RASSF2: variants seen among roughly 807,000 people sequenced by gnomAD.
The protein encoded by RASSF2 is Ras association domain family member 2.
A neutral mutation model predicts 46.3 loss-of-function variants in RASSF2; 34 were observed. The observed-to-expected ratio is 0.73, with a 90% CI of 0.56 to 0.98. RASSF2 has a LOEUF of 0.98. RASSF2 is among the 50% of genes least tolerant of loss of function. The pLI is 0.00. For missense variants in RASSF2, 364 were observed against 431.2 expected, an observed-to-expected ratio of 0.84 and a Z score of 1.38; for synonymous variants, 158 against 162.5, an observed-to-expected ratio of 0.97 and a Z score of 0.21.
intron 2 of RASSF2, among the ~76,000 whole-genome samples, chr20:4,803,721 C>T (rs1016885433): frequency 2.0e-5 from 3 of 151,774 alleles, no homozygotes; most frequent in African/African-American, 4.8e-5. Flanking sequence ...CATACCACTG[C>T]ACTCTAGCCT....
Position 4,787,014 on chromosome 20 carries a change from T to C in RASSF2, c.813+619A>G, listed in dbSNP as rs868640621. Among the ~76,000 whole-genome samples, 5 of 148,796 alleles carry C rather than the reference T, an allele frequency of 3.4e-5. No individual in the cohort carries two copies. The South Asian group carries it at 8.5e-4, about 25-fold the overall frequency. On this transcript the variant is annotated intron_variant, in intron 10 of 11. Coordinates refer to ENST00000379400, the MANE Select transcript of RASSF2 (RefSeq NM_014737.3). The stretch of plus-strand genomic sequence containing the variant: ...AGGAAAATAGCTTGAACCAGGGAGG[T>C]GCCACTGCACTCCAGCCTGGGCAAC...
At chr20:4,817,134 C>T (rs933432377) in intron 2 of RASSF2, among the ~76,000 whole-genome samples, 1 of 152,102 alleles carries the variant, frequency 6.6e-6, no homozygotes, top group Admixed American at 6.6e-5. Context: ...TATTCTTCCA[C>T]GTTAATAGCT....
intron 8 of RASSF2, among the ~76,000 whole-genome samples, chr20:4,788,908 A>T (rs1925604769): frequency 6.6e-6 from 1 of 152,216 alleles, no homozygotes; most frequent in South Asian, 2.1e-4. Context: ...AAGTCCCATT[A>T]TCCTCATTTT....
intron 10 of RASSF2, among the ~76,000 whole-genome samples, chr20:4,786,660 C>T (rs1925372754): frequency 6.6e-6 from 1 of 152,144 alleles, no homozygotes; most frequent in African/African-American, 2.4e-5. Context: ...TTAATAAACC[C>T]CTTTGTTCTC....
In RASSF2 at chr20:4,812,566, G is replaced by A. The variant is rs929341262; in HGVS notation, c.-33+9763C>T. Among the ~76,000 whole-genome samples, 8 of 152,204 alleles carry A rather than the reference G, an allele frequency of 5.3e-5. No homozygotes were observed. The highest frequency in any genetic ancestry group is 1.9e-4 in the African/African-American group (8 of 41,442). ...TGAGTGTGTATTGGAATCTCTCCGA[G>A]GGCTCGTTAAAATACAGATTGCAGG... On this transcript the variant is annotated intron_variant, in intron 2 of 11. Coordinates refer to ENST00000379400, the MANE Select transcript of RASSF2 (RefSeq NM_014737.3). The surrounding 1 kb of genome is among the most constrained non-coding windows in gnomAD (Gnocchi z 4.0).
At chr20:4,794,023 TG>T (rs1342366383) in intron 5 of RASSF2, among the ~76,000 whole-genome samples, 1 of 152,192 alleles carries the variant, frequency 6.6e-6, no homozygotes, top group African/African-American at 2.4e-5. Context: ...TAGAATAGTC[TG>T]GGGGTCAGGG....
At chr20:4,798,605 A>T (rs896424142) in intron 3 of RASSF2, among the ~76,000 whole-genome samples, 2 of 152,082 alleles carry the variant, frequency 1.3e-5, no homozygotes, top group African/African-American at 4.8e-5. Context: ...CCAGCGGATC[A>T]CTTAAGGTCA....
At chr20:4,787,883 C>T in intron 9 of RASSF2, 129 bp from the exon 10 acceptor site, 1 of 1,205,602 alleles carries the variant, frequency 8.3e-7, no homozygotes, top group Admixed American at 2.2e-5. Flanking sequence ...TATAAGTGAA[C>T]TATTCCATAG....
chr20:4,789,544 C>A (rs1925678036), intron 8 of RASSF2, 52 bp downstream of exon 8: 1 of 1,500,428 alleles, frequency 6.7e-7, no homozygotes, highest in South Asian at 1.1e-5. Flanking sequence ...CTCTAGGAGT[C>A]CCAAGGCACA....
chr20:4,784,335 C>T lies in RASSF2; in HGVS notation c.919G>A (p.Val307Met), dbSNP rs139690582. The change falls in exon 12 of 12, where the codon GTG becomes ATG. Residue 307 changes from valine (V) to methionine (M), a missense_variant. Coordinates refer to ENST00000379400, the MANE Select transcript of RASSF2 (RefSeq NM_014737.3). ...EVKKLMRKYT[V>M]LRLMIRQRLE... ...CTCTGTCGAATCATTAGCCGGAGCACGGTGTACCTGGAGACAAGAAACAGG... is the reference window on the plus strand; with the variant it reads ...CTCTGTCGAATCATTAGCCGGAGCATGGTGTACCTGGAGACAAGAAACAGG... 80 of 1,613,628 alleles carry T rather than the reference C, an allele frequency of 5.0e-5. No homozygotes were observed. The highest frequency in any genetic ancestry group is 9.4e-5 in the African/African-American group (7 of 74,824).
Position 4,790,852 on chromosome 20 carries a change from C to A in RASSF2, c.377-241G>T, listed in dbSNP as rs916428089. Among the ~76,000 whole-genome samples, 3 of 152,138 alleles carry A rather than the reference C, an allele frequency of 2.0e-5. No homozygotes were observed. The highest frequency in any genetic ancestry group is 7.2e-5 in the African/African-American group (3 of 41,418). On this transcript the variant is annotated intron_variant, in intron 6 of 11. Transcript: ENST00000379400. This position sits in a 1 kb window ranked among gnomAD's most constrained non-coding sequence, Gnocchi z 4.3. ...GGTTCAAATCCCTGCTCCATGATTG[C>A]CATATATCACTAACCTCTCTGTGCC...
intron 2 of RASSF2, among the ~76,000 whole-genome samples, chr20:4,819,107 C>T (rs111585074): frequency 2.6e-5 from 4 of 152,062 alleles, no homozygotes; most frequent in Admixed American, 2.0e-4. Flanking sequence ...GGATTACAGG[C>T]GCCCGCCACC....
intron 2 of RASSF2, among the ~76,000 whole-genome samples, chr20:4,817,602 C>T (rs886970370): frequency 6.6e-6 from 1 of 152,116 alleles, no homozygotes; most frequent in African/African-American, 2.4e-5. Context: ...AGGAAGGGAC[C>T]ATCCGTTCCA....
intron 2 of RASSF2, among the ~76,000 whole-genome samples, chr20:4,819,986 G>A (rs549637821): frequency 1.2e-4 from 19 of 152,172 alleles, no homozygotes; most frequent in Non-Finnish European, 2.4e-4. Flanking sequence ...ATCAACCTGT[G>A]ATGACAGACT....
chr20:4,795,905 A>G lies in RASSF2; in HGVS notation c.197T>C (p.Ile66Thr), dbSNP rs1191523497. ...GTTGTCATCCTGCATCTGCAGGCGAATGGGCCGGCGCAGGCCCCAGGAGAT... is the reference window on the plus strand; with the variant it reads ...GTTGTCATCCTGCATCTGCAGGCGAGTGGGCCGGCGCAGGCCCCAGGAGAT... The part of the protein sequence containing the change: ...LNISWGLRRP[I>T]RLQMQDDNER... The change falls in exon 5 of 12, where the codon ATT becomes ACT. Residue 66 changes from isoleucine (I) to threonine (T), a missense_variant. Coordinates refer to ENST00000379400, the MANE Select transcript of RASSF2 (RefSeq NM_014737.3). This position sits in a 1 kb window ranked among gnomAD's most constrained non-coding sequence, Gnocchi z 4.0. The G allele has an allele frequency of 1.2e-6, 2 of 1,606,208 alleles. No individual in the cohort carries two copies. The highest frequency in any genetic ancestry group is 1.1e-5 in the South Asian group (1 of 90,576).
At position 4,812,964 on chromosome 20, in the gene RASSF2, G is replaced by A. The variant is rs751352847; in HGVS notation, c.-33+9365C>T. Among the ~76,000 whole-genome samples, 15 of 152,126 alleles carry A rather than the reference G, an allele frequency of 9.9e-5. No individual in the cohort carries two copies. Among genetic ancestry groups the A allele is most frequent in the Non-Finnish European group, 1.8e-4 (12 of 68,012 alleles). On this transcript the variant is annotated intron_variant, in intron 2 of 11. Transcript: ENST00000379400. This position sits in a 1 kb window ranked among gnomAD's most constrained non-coding sequence, Gnocchi z 4.0. ...AGGCGAGTGAGTGACCAGCCCAGAG[G>A]ACAAGCTGTGGGAAAAGCAGACCCT...
intron 2 of RASSF2, among the ~76,000 whole-genome samples, chr20:4,807,776 G>T (rs537541267): frequency 2.0e-5 from 3 of 152,156 alleles, no homozygotes; most frequent in African/African-American, 7.2e-5. Flanking sequence ...GACATTTCTT[G>T]GGAAAAAAGT....
At position 4,795,654 on chromosome 20, in the gene RASSF2, C is replaced by T. The variant is rs989694771; in HGVS notation, c.287+161G>A. 9.8e-6 allele frequency: 8 copies of T among 819,458 alleles called. No homozygotes were observed. In the East Asian group the frequency reaches 2.0e-4, roughly 21 times the overall value. The allele number at this position is 819,458 out of a possible 1,614,324, so 50.8% of individuals were successfully genotyped here. ...GGCTCAATCACAACCACATCTGCTG[C>T]TTGTTCCTCATTCCAAGGCTAAGGC... On this transcript the variant is annotated intron_variant, in intron 5 of 11. Transcript: ENST00000379400. This position sits in a 1 kb window ranked among gnomAD's most constrained non-coding sequence, Gnocchi z 4.0.
At chr20:4,793,109 A>G in intron 5 of RASSF2, 1 of 165,788 alleles carries the variant, frequency 6.0e-6, no homozygotes, top group South Asian at 1.4e-4. Flanking sequence ...ATGGAAAGTA[A>G]TAAGTTGGCC....
Sources: allele counts gnomAD v4.1 joint callset (sites outside exome capture counted in the v4.1 genomes callset), GRCh38; gene constraint gnomAD v4.1.1; non-coding constraint Gnocchi (gnomAD v3.1); transcripts MANE v1.5; gene names NCBI Gene and HGNC (gene_info 2026-07-23, HGNC 2026-07-21).